Variants in GXYLT1 observed in about 807,000 individuals in gnomAD.
GXYLT1 encodes the protein glucoside xylosyltransferase 1.
A neutral mutation model predicts 54.0 loss-of-function variants in GXYLT1; 29 were observed. That is an observed-to-expected ratio of 0.54 (90% confidence interval 0.40 to 0.73). The LOEUF is 0.73. Among genes scored for constraint, GXYLT1 ranks in the 30% least tolerant of loss-of-function variants. The probability of loss-of-function intolerance (pLI) is 0.00; values close to 1 mark genes in which losing one functional copy is unlikely to be tolerated. For synonymous variants in GXYLT1, 176 were observed against 204.1 expected (o/e 0.86, Z 1.17); for missense variants, 490 against 553.4 (o/e 0.89, Z 1.15).
intron 3 of GXYLT1, among the ~76,000 whole-genome samples, chr12:42,112,567 T>C (rs1360931149): frequency 2.6e-5 from 4 of 151,772 alleles, no homozygotes. Flanking sequence ...ACGAATGAAA[T>C]GAAGCGAGAA....
chr12:42,106,738 T>G (rs886882088), intron 4 of GXYLT1, among the ~76,000 whole-genome samples: 1 of 149,608 alleles, frequency 6.7e-6, no homozygotes, highest in Non-Finnish European at 1.5e-5. Context: ...ATTATTATTA[T>G]TTTTCTTTTT....
At chr12:42,118,448 C>A (rs979403735) in intron 3 of GXYLT1, among the ~76,000 whole-genome samples, 1 of 152,146 alleles carries the variant, frequency 6.6e-6, no homozygotes, top group Non-Finnish European at 1.5e-5. Flanking sequence ...CACTGCTGTT[C>A]AAAAATGAAC....
chr12:42,091,929 C>T (rs1555138347), intron 7 of GXYLT1, among the ~76,000 whole-genome samples: 1 of 152,194 alleles, frequency 6.6e-6, no homozygotes, highest in Admixed American at 6.5e-5. Context: ...CTGACCTCTC[C>T]GTGGATCTTT....
intron 5 of GXYLT1, among the ~76,000 whole-genome samples, chr12:42,099,628 T>C (rs1379027043): frequency 6.6e-6 from 1 of 152,148 alleles, no homozygotes; most frequent in Non-Finnish European, 1.5e-5. Context: ...CGAGGCAGGC[T>C]GATCAGTTGA....
At chr12:42,142,207 G>A (rs1306500327) in intron 1 of GXYLT1, among the ~76,000 whole-genome samples, 1 of 152,124 alleles carries the variant, frequency 6.6e-6, no homozygotes, top group Non-Finnish European at 1.5e-5. Flanking sequence ...AAGAGCTCTT[G>A]TATAACACTC....
chr12:42,105,237 C>T (rs942137310), intron 5 of GXYLT1, among the ~76,000 whole-genome samples: 1 of 152,184 alleles, frequency 6.6e-6, no homozygotes, highest in Non-Finnish European at 1.5e-5. Context: ...TTTAAATAGT[C>T]TGACTTTTCT....
intron 2 of GXYLT1, among the ~76,000 whole-genome samples, chr12:42,120,009 G>A (rs1169866672): frequency 1.3e-5 from 2 of 152,020 alleles, no homozygotes; most frequent in Non-Finnish European, 2.9e-5. Flanking sequence ...GTGGCTGCCA[G>A]TAAATAAATT....
rs2065294633 is a variant in GXYLT1 at position 42,086,552 on chromosome 12, G to A, written c.*1234C>T. 1 of 152,176 alleles carries A rather than the reference G, an allele frequency of 6.6e-6. No individual in the cohort carries two copies. Among genetic ancestry groups the A allele is most frequent in the Non-Finnish European group, 1.5e-5 (1 of 68,028 alleles). The allele number at this position is 152,176 out of a possible 1,614,324, so 9.4% of individuals were successfully genotyped here. On this transcript the variant is annotated 3_prime_UTR_variant, in exon 8 of 8. Transcript: ENST00000398675. ...AAAATAAGATATGTGCCCCAGCATA[G>A]TATATGCTAAGTATTCAGAATCTAT...
chr12:42,139,715 G>A (rs983682306), intron 1 of GXYLT1, among the ~76,000 whole-genome samples: 4 of 152,146 alleles, frequency 2.6e-5, no homozygotes, highest in Non-Finnish European at 5.9e-5. Flanking sequence ...AATATGTAAC[G>A]TAGATACCAC....
rs2065293173 is a variant in GXYLT1, at chr12:42,086,338, A to G, written c.*1448T>C. The G allele has an allele frequency of 6.6e-6, 1 of 152,278 alleles. No individual in the cohort carries two copies. The highest frequency in any genetic ancestry group is 1.5e-5 in the Non-Finnish European group (1 of 68,054). 9.4% of individuals were successfully genotyped at this position (152,278 alleles called of 1,614,324 possible). On this transcript the variant is annotated 3_prime_UTR_variant, in exon 8 of 8. Coordinates refer to ENST00000398675, the MANE Select transcript of GXYLT1 (RefSeq NM_173601.2). ...TGTCCCTGACTGAACTGCAGACGAC[A>G]GAACAACTGTACTAACCATCTCTTT...
At chr12:42,089,643 A>G (rs1366240079) in intron 7 of GXYLT1, among the ~76,000 whole-genome samples, 2 of 152,196 alleles carry the variant, frequency 1.3e-5, no homozygotes, top group African/African-American at 2.4e-5. Flanking sequence ...CCGTCCCAAC[A>G]GTCTAGCTCC....
intron 1 of GXYLT1, among the ~76,000 whole-genome samples, chr12:42,136,504 A>C (rs1240014520): frequency 6.6e-6 from 1 of 152,160 alleles, no homozygotes; most frequent in Non-Finnish European, 1.5e-5. Context: ...CTGTGGATCA[A>C]ACTGAAATAA....
rs1031454091 is a variant in GXYLT1 at position 42,110,944 on chromosome 12, A to C, written c.487-1253T>G. Among the ~76,000 whole-genome samples, 13 of 152,264 alleles carry C rather than the reference A, an allele frequency of 8.5e-5. No individual in the cohort carries two copies. The East Asian group carries it at 1.2e-3, about 14-fold the overall frequency. Reference sequence around the variant, plus strand: ...GATTATTACAGTCAAACGAAAACTAAGTTCAAAAATATAGTATATGTTACA... The same window carrying C: ...GATTATTACAGTCAAACGAAAACTACGTTCAAAAATATAGTATATGTTACA... On this transcript the variant is annotated intron_variant, in intron 3 of 7. Transcript: ENST00000398675.
intron 3 of GXYLT1, among the ~76,000 whole-genome samples, chr12:42,113,693 C>A (rs1451489319): frequency 6.6e-6 from 1 of 150,922 alleles, no homozygotes. Context: ...GACTTTAACA[C>A]CCCACTGTCA....
intron 7 of GXYLT1, among the ~76,000 whole-genome samples, chr12:42,092,998 A>C (rs2065337035): frequency 6.6e-6 from 1 of 152,202 alleles, no homozygotes; most frequent in African/African-American, 2.4e-5. Flanking sequence ...AACATTCCTA[A>C]AAGACAAATG....
rs2065259738 is a variant in GXYLT1, at chr12:42,082,497, G to A, written c.*5289C>T. ...TCAAAGCCAATTTCCTTTATTTTTT[G>A]AGACAGGGTCTCGCTCTGTCACCCA... is the stretch of plus-strand genomic sequence containing the variant. On this transcript the variant is annotated 3_prime_UTR_variant, in exon 8 of 8. Coordinates refer to ENST00000398675, the MANE Select transcript of GXYLT1 (RefSeq NM_173601.2). The A allele has an allele frequency of 6.6e-6, 1 of 151,986 alleles. No homozygotes were observed. Among genetic ancestry groups the A allele is most frequent in the Non-Finnish European group, 1.5e-5 (1 of 68,012 alleles). The allele number at this position is 151,986 out of a possible 1,614,324, so 9.4% of individuals were successfully genotyped here.
rs148680114 is a variant in GXYLT1 at position 42,136,380 on chromosome 12, C to T, written c.222-6529G>A. Among the ~76,000 whole-genome samples, 351 of 152,298 alleles carry T rather than the reference C, an allele frequency of 2.3e-3. 2 individuals are homozygous for T. The highest frequency in any genetic ancestry group is 7.9e-3 in the African/African-American group (329 of 41,564). On this transcript the variant is annotated intron_variant, in intron 1 of 7. Coordinates refer to ENST00000398675, the MANE Select transcript of GXYLT1 (RefSeq NM_173601.2). ...AAACATCCAACATTCAAAGAGGTAA[C>T]TCTATTAAATAATTTTAATGAGGCA...
intron 5 of GXYLT1, among the ~76,000 whole-genome samples, chr12:42,104,116 A>T (rs185691424): frequency 6.6e-6 from 1 of 152,268 alleles, no homozygotes; most frequent in East Asian, 1.9e-4. Context: ...AGAACAAAAT[A>T]ATTTTAAAAA....
intron 2 of GXYLT1, among the ~76,000 whole-genome samples, chr12:42,120,237 C>T (rs1315771663): frequency 1.3e-5 from 2 of 152,322 alleles, no homozygotes; most frequent in Non-Finnish European, 1.5e-5. Flanking sequence ...GTCATAATTT[C>T]ATCCATAAAT....
Sources: gnomAD v4.1 joint callset for allele counts (sites outside exome capture counted in the v4.1 genomes callset) on GRCh38, gnomAD v4.1.1 for gene constraint, MANE v1.5 for transcripts, NCBI Gene and HGNC (gene_info 2026-07-23, HGNC 2026-07-21) for gene names.